CREBRF: variants seen among roughly 807,000 people sequenced by gnomAD.
CREBRF encodes the protein CREB3 regulatory factor, also known as UPF0474 protein C5orf41.
In CREBRF, 5 loss-of-function variants were observed where a neutral mutation model predicts 66.1. The ratio of observed to expected loss-of-function variants is 0.08; its 90% CI spans 0.04 to 0.16. CREBRF has a LOEUF of 0.16. Among genes scored for constraint, CREBRF ranks in the 10% least tolerant of loss-of-function variants. The pLI is 1.00. For missense variants in CREBRF, 531 were observed against 744.9 expected (o/e 0.71, Z 3.34); for synonymous variants, 229 against 264.4 (o/e 0.87, Z 1.30).
intron 7 of CREBRF, among the ~76,000 whole-genome samples, chr5:173,117,773 C>T (rs892423571): frequency 2.7e-5 from 4 of 149,514 alleles, no homozygotes; most frequent in African/African-American, 4.9e-5. Context: ...TCCAGTGGTG[C>T]GATCTCAGCT....
At chr5:173,100,078 T>TTGTG (rs749558283) in intron 4 of CREBRF, among the ~76,000 whole-genome samples, 3,042 of 68,892 alleles carry the variant, frequency 0.044, 85 homozygotes, top group East Asian at 0.077. Context: ...GGCTAATCTT[T>TTGTG]TGTGTGTGTG....
intron 6 of CREBRF, 68 bp from the exon 7 acceptor site, chr5:173,112,238 C>A: frequency 8.6e-7 from 1 of 1,162,446 alleles, no homozygotes; most frequent in Non-Finnish European, 1.2e-6. Flanking sequence ...ACCCCTTCTC[C>A]GTAATTAAAA....
intron 4 of CREBRF, among the ~76,000 whole-genome samples, chr5:173,098,680 TTGAAAA>T (rs1490797758): frequency 6.6e-6 from 1 of 152,136 alleles, no homozygotes; most frequent in Non-Finnish European, 1.5e-5. Context: ...CTATCCATTG[TTGAAAA>T]TGGAGTGTTG....
intron 4 of CREBRF, among the ~76,000 whole-genome samples, chr5:173,103,265 C>G (rs1277284198): frequency 6.6e-6 from 1 of 152,104 alleles, no homozygotes; most frequent in African/African-American, 2.4e-5. Flanking sequence ...AAGTAAAACC[C>G]TTTTGGTTAA....
intron 1 of CREBRF, chr5:173,060,366 G>GA (rs1445616633): frequency 6.6e-6 from 1 of 151,862 alleles, no homozygotes; most frequent in East Asian, 1.9e-4. Flanking sequence ...GAGTAGCTAG[G>GA]ATTACAGGCG....
intron 1 of CREBRF, among the ~76,000 whole-genome samples, chr5:173,065,446 C>T (rs427684): frequency 0.49 from 73,898 of 151,882 alleles, 19,124 homozygotes; most frequent in Non-Finnish European, 0.58. Context: ...GTCTCTTTTC[C>T]CTGTAGCTCC....
At chr5:173,067,947 C>T (rs1395422892) in intron 1 of CREBRF, among the ~76,000 whole-genome samples, 1 of 152,056 alleles carries the variant, frequency 6.6e-6, no homozygotes, top group African/African-American at 2.4e-5. Context: ...TTGCAGTGAG[C>T]CAAGATCGCT....
At position 173,123,094 on chromosome 5, in the gene CREBRF, G is replaced by T. The variant is rs769244446; in HGVS notation, c.1696G>T (p.Val566Leu). 6.3e-7 allele frequency: 1 copy of T among 1,596,694 alleles called. No individual in the cohort carries two copies. The highest frequency in any genetic ancestry group is 1.9e-5 in the Admixed American group (1 of 53,698). ...CTGTCTTACAGATAATTTATTGTTT[G>T]TAATCAACTCCATCAAGCAAGAGAT... ...LNTEYDNLLFVINSIKQEIVN... is the reference protein window; with the variant it reads ...LNTEYDNLLFLINSIKQEIVN... Residue 566 changes from valine (V) to leucine (L), a missense_variant, in exon 8 of 9, where the codon GTA becomes TTA. Around this residue, in one of 5 missense-constraint regions of CREBRF, gnomAD observed 64 missense variants for 111.3 expected, o/e 0.58. Transcript: ENST00000296953.
At chr5:173,060,077 A>G (rs1204128344) in intron 1 of CREBRF, among the ~76,000 whole-genome samples, 1 of 152,144 alleles carries the variant, frequency 6.6e-6, no homozygotes, top group Non-Finnish European at 1.5e-5. Context: ...AATACAAGTG[A>G]CAGTGAAGTA....
intron 6 of CREBRF, among the ~76,000 whole-genome samples, 158 bp from the exon 7 acceptor site, chr5:173,112,148 A>G (rs912167225): frequency 2.0e-5 from 3 of 152,204 alleles, no homozygotes; most frequent in Admixed American, 1.3e-4. Flanking sequence ...TCATGCCTAT[A>G]ATCCCAGCAC....
intron 8 of CREBRF, among the ~76,000 whole-genome samples, chr5:173,131,863 G>T (rs1303321683): frequency 2.0e-5 from 3 of 152,080 alleles, no homozygotes; most frequent in African/African-American, 4.8e-5. Context: ...CTCCTAAGTA[G>T]CTGGCATTAC....
Position 173,090,468 on chromosome 5 carries a change from G to A in CREBRF, c.289G>A (p.Asp97Asn). 1 of 1,613,796 alleles carries A rather than the reference G, an allele frequency of 6.2e-7. No homozygotes were observed. The highest frequency in any genetic ancestry group is 8.5e-7 in the Non-Finnish European group (1 of 1,179,732). The change falls in exon 4 of 9, where the codon GAC becomes AAC. Residue 97 changes from aspartate (D) to asparagine (N), a missense_variant. Transcript: ENST00000296953. This position sits in a 1 kb window ranked among gnomAD's most constrained non-coding sequence, Gnocchi z 4.5. Reference sequence around the variant, plus strand: ...GGAACAGTGGGATACATACTGTGAAGACCTAACGAAATATACCAAACTAAC... The same window carrying A: ...GGAACAGTGGGATACATACTGTGAAAACCTAACGAAATATACCAAACTAAC... The part of the protein sequence containing the change: ...NWEQWDTYCE[D>N]LTKYTKLTSC...
chr5:173,074,971 A>G (rs1051761788), intron 1 of CREBRF, among the ~76,000 whole-genome samples: 2 of 152,160 alleles, frequency 1.3e-5, no homozygotes, highest in African/African-American at 4.8e-5. Flanking sequence ...AGACTATTAC[A>G]TTGATCAGGT....
In CREBRF at chr5:173,065,130, A is replaced by C. The variant is rs184225520; in HGVS notation, c.-192+8651A>C. ...CAGCCCAATGTTACGATGGTTTTTC[A>C]GAACAAAATGTTCTGAAATATGGAA... On this transcript the variant is annotated intron_variant, in intron 1 of 8. Transcript: ENST00000296953. Among the ~76,000 whole-genome samples, 12 of 152,342 alleles carry C rather than the reference A, an allele frequency of 7.9e-5. No homozygotes were observed. In the East Asian group the frequency reaches 2.3e-3, roughly 29 times the overall value.
At chr5:173,118,871 C>G (rs1177892446) in intron 7 of CREBRF, among the ~76,000 whole-genome samples, 1 of 151,080 alleles carries the variant, frequency 6.6e-6, no homozygotes, top group East Asian at 1.9e-4. Flanking sequence ...AGACCCTTGT[C>G]TCTATTTAAA....
At chr5:173,092,601 A>G (rs999602108) in intron 4 of CREBRF, among the ~76,000 whole-genome samples, 1 of 152,244 alleles carries the variant, frequency 6.6e-6, no homozygotes, top group African/African-American at 2.4e-5. Context: ...TTATTTAAAA[A>G]AAAACTATCA....
intron 4 of CREBRF, among the ~76,000 whole-genome samples, chr5:173,101,622 G>A (rs902739186): frequency 6.7e-6 from 1 of 149,652 alleles, no homozygotes. Context: ...GCACCATCTT[G>A]ACTCACTGCA....
intron 1 of CREBRF, chr5:173,060,139 A>G (rs946272033): frequency 1.9e-4 from 29 of 152,036 alleles, no homozygotes; most frequent in African/African-American, 7.0e-4. Context: ...TTAAAAGATA[A>G]AGAGAACTGA....
chr5:173,072,974 G>C (rs1333381412), intron 1 of CREBRF, among the ~76,000 whole-genome samples: 2 of 152,304 alleles, frequency 1.3e-5, no homozygotes, highest in African/African-American at 4.8e-5. Context: ...GCTGAAATCA[G>C]CCTTCTATCC....
Sources: gnomAD v4.1 joint callset for allele counts (sites outside exome capture counted in the v4.1 genomes callset) on GRCh38, gnomAD v4.1.1 for gene constraint, gnomAD v4.1.1 regional missense constraint, Gnocchi (gnomAD v3.1) non-coding constraint, MANE v1.5 for transcripts, NCBI Gene and HGNC (gene_info 2026-07-23, HGNC 2026-07-21) for gene names.